Variants in APOOL observed in about 807,000 individuals in gnomAD.
The protein encoded by APOOL is MICOS complex subunit MIC27.
A neutral mutation model predicts 23.1 loss-of-function variants in APOOL; 12 were observed. The observed-to-expected ratio is 0.52, with a 90% confidence interval of 0.33 to 0.84. The LOEUF (loss-of-function observed/expected upper bound fraction) is 0.84. Among genes scored for constraint, APOOL ranks in the 40% least tolerant of loss-of-function variants. The pLI is 0.02. For missense variants in APOOL, 212 were observed against 199.6 expected (o/e 1.06, Z -0.37); for synonymous variants, 77 against 69.9 (o/e 1.10, Z -0.51).
At chrX:85,005,875 G>A (rs1569451938) in intron 1 of APOOL, among the ~76,000 whole-genome samples, 1 of 112,161 alleles carries the variant, frequency 8.9e-6, no homozygotes. Flanking sequence ...TGCAGAGACA[G>A]AAGGAATGGT....
At chrX:85,080,690 G>T (rs1019346385) in intron 8 of APOOL, among the ~76,000 whole-genome samples, 2 of 111,159 alleles carry the variant, frequency 1.8e-5, no homozygotes, top group Non-Finnish European at 3.8e-5. Context: ...TGACAGTGGG[G>T]TGTTAAAGTC....
intron 1 of APOOL, among the ~76,000 whole-genome samples, chrX:85,034,665 C>T (rs753356437): frequency 6.1e-4 from 68 of 111,516 alleles, no homozygotes; most frequent in African/African-American, 2.0e-3. Flanking sequence ...TCTATATGTC[C>T]GTGTGTACCA....
At chrX:85,035,031 T>C (rs1922169188) in intron 1 of APOOL, among the ~76,000 whole-genome samples, 1 of 112,015 alleles carries the variant, frequency 8.9e-6, no homozygotes, top group Non-Finnish European at 1.9e-5. Flanking sequence ...CTGAGAAATA[T>C]CCAAACTGCT....
At chrX:85,063,347 C>G (rs1022250232) in intron 5 of APOOL, among the ~76,000 whole-genome samples, 6 of 110,990 alleles carry the variant, frequency 5.4e-5, no homozygotes, top group Admixed American at 1.9e-4. Context: ...CTTTCAATAC[C>G]CTTTATTTTT....
intron 1 of APOOL, among the ~76,000 whole-genome samples, chrX:85,014,056 C>A (rs1314986113): frequency 9.0e-6 from 1 of 111,441 alleles, no homozygotes; most frequent in East Asian, 2.8e-4. Context: ...TTGGGGTAGT[C>A]CTCTTATCAC....
chrX:85,093,225 C>G lies in APOOL; in HGVS notation c.*5547C>G. 8.6e-7 allele frequency: 1 copy of G among 1,162,443 alleles called. No homozygotes were observed. Among genetic ancestry groups the G allele is most frequent in the Non-Finnish European group, 1.1e-6 (1 of 869,722 alleles). The stretch of plus-strand genomic sequence containing the variant: ...CAGCATTTCAGCTCCAATACCTAGG[C>G]CTTTTAAATAGACAATGCAAAGTGA... On this transcript the variant is annotated 3_prime_UTR_variant, in exon 9 of 9. Transcript: ENST00000373173.
intron 4 of APOOL, among the ~76,000 whole-genome samples, chrX:85,055,405 T>C (rs1922924682): frequency 1.8e-5 from 2 of 111,450 alleles, no homozygotes; most frequent in South Asian, 7.4e-4. Flanking sequence ...CCTTAAACTA[T>C]TATTCAAAAC....
chrX:85,011,824 G>A (rs952321170), intron 1 of APOOL, among the ~76,000 whole-genome samples: 5 of 111,332 alleles, frequency 4.5e-5, no homozygotes, highest in African/African-American at 1.3e-4. Context: ...CAGCTATGTG[G>A]GCTCTTTTTT....
chrX:85,046,539 A>G lies in APOOL; in HGVS notation c.109A>G (p.Lys37Glu), dbSNP rs1402651618. The G allele has an allele frequency of 1.0e-5, 12 of 1,203,307 alleles. No individual in the cohort carries two copies. The highest frequency in any genetic ancestry group is 1.2e-5 in the Non-Finnish European group (11 of 889,246). ...AGAGGAATCCAAAAAGCAGCTAGTG[A>G]AACCAGAGCAGGTAATTTGCCTACA... is the stretch of plus-strand genomic sequence containing the variant. ...KQEESKKQLVKPEQLPIYTAP... is the reference protein window; with the variant it reads ...KQEESKKQLVEPEQLPIYTAP... The change falls in exon 2 of 9, where the codon AAA (lysine) becomes GAA (glutamate). Residue 37 changes from lysine (K) to glutamate (E), a missense_variant. Coordinates refer to ENST00000373173, the MANE Select transcript of APOOL (RefSeq NM_198450.6).
intron 5 of APOOL, among the ~76,000 whole-genome samples, chrX:85,064,081 A>C (rs188983673): frequency 7.2e-5 from 8 of 110,591 alleles, no homozygotes; most frequent in African/African-American, 2.6e-4. Context: ...CAGGGATTCA[A>C]CTTCTTCCTG....
At chrX:85,086,198 C>T (rs1924284368) in intron 8 of APOOL, among the ~76,000 whole-genome samples, 1 of 110,660 alleles carries the variant, frequency 9.0e-6, no homozygotes, top group Non-Finnish European at 1.9e-5. Flanking sequence ...TAAATTCCTT[C>T]CTCCTTCAAT....
At chrX:85,080,536 A>G (rs2147666985) in intron 8 of APOOL, 1 of 111,615 alleles carries the variant, frequency 9.0e-6, no homozygotes, top group South Asian at 3.8e-4. Flanking sequence ...TGGAATAAGT[A>G]TAATGTGGTG....
At chrX:85,067,093 A>G (rs1923485238) in intron 5 of APOOL, 34 bp from the exon 6 acceptor site, 1 of 923,136 alleles carries the variant, frequency 1.1e-6, no homozygotes, top group Non-Finnish European at 1.5e-6. Context: ...GGTGGTATAT[A>G]TTTGGAGTTT....
At chrX:85,020,915 T>C (rs1476521080) in intron 1 of APOOL, among the ~76,000 whole-genome samples, 1 of 111,494 alleles carries the variant, frequency 9.0e-6, no homozygotes, top group Admixed American at 9.4e-5. Flanking sequence ...GGCTCTAGAC[T>C]ATCCCCAGCC....
At chrX:85,043,132 G>C (rs921164602) in intron 1 of APOOL, among the ~76,000 whole-genome samples, 1 of 111,469 alleles carries the variant, frequency 9.0e-6, no homozygotes, top group Non-Finnish European at 1.9e-5. Flanking sequence ...CCATGTGAGA[G>C]ATATCTGTTT....
intron 1 of APOOL, among the ~76,000 whole-genome samples, chrX:85,004,702 C>T (rs1360035579): frequency 1.8e-5 from 2 of 111,896 alleles, no homozygotes; most frequent in Admixed American, 9.5e-5. Flanking sequence ...TTTGAACAAC[C>T]TCCTACCTGA....
intron 1 of APOOL, among the ~76,000 whole-genome samples, chrX:85,045,130 A>G (rs1484353188): frequency 1.8e-5 from 2 of 111,982 alleles, no homozygotes; most frequent in East Asian, 5.6e-4. Context: ...AAATCTTGTT[A>G]TTTCATTAAT....
At chrX:85,073,882 ATATCTT>A (rs1923749829) in intron 6 of APOOL, 110 bp from the exon 7 acceptor site, 2 of 498,771 alleles carry the variant, frequency 4.0e-6, no homozygotes, top group Admixed American at 9.3e-5. Context: ...TTAGAGATTT[ATATCTT>A]TATTGATTCT....
At position 85,005,166 on chromosome X, in the gene APOOL, C is replaced by T. The variant is rs753412332; in HGVS notation, c.15+1239C>T. 1.8e-4 allele frequency among the ~76,000 whole-genome samples: 19 copies of T among 105,690 alleles called. No individual in the cohort carries two copies. The South Asian group carries it at 7.1e-3, about 40-fold the overall frequency. The allele number at this position is 105,690 out of a possible 115,157, so 91.8% of individuals were successfully genotyped here. A position where few individuals can be genotyped will look rare whatever the true frequency, so the allele number is the denominator to read the frequency against. On this transcript the variant is annotated intron_variant, in intron 1 of 8. Coordinates refer to ENST00000373173, the MANE Select transcript of APOOL (RefSeq NM_198450.6). ...TTTATTTTATTTTTTATTTTTGAGA[C>T]GGAGTCTCTCTCTGTCTCCCAGGCT...
Sources: allele counts gnomAD v4.1 joint callset (sites outside exome capture counted in the v4.1 genomes callset), GRCh38; gene constraint gnomAD v4.1.1; transcripts MANE v1.5; gene names NCBI Gene and HGNC (gene_info 2026-07-23, HGNC 2026-07-21).